UBASH3B: variants seen among roughly 807,000 people sequenced by gnomAD.
The protein encoded by UBASH3B is ubiquitin-associated and SH3 domain-containing protein B.
In UBASH3B, 37 loss-of-function variants were observed where a neutral mutation model predicts 83.4. The observed-to-expected ratio is 0.44, with a 90% CI of 0.34 to 0.58. UBASH3B has a LOEUF of 0.58. Among genes scored for constraint, UBASH3B ranks in the 20% least tolerant of loss-of-function variants. UBASH3B has a pLI of 0.01. For synonymous variants in UBASH3B, 304 were observed against 318.3 expected (o/e 0.96, Z 0.48); for missense variants, 657 against 827.2 (o/e 0.79, Z 2.52).
At chr11:122,702,270 T>G (rs1301328790) in intron 1 of UBASH3B, among the ~76,000 whole-genome samples, 1 of 152,204 alleles carries the variant, frequency 6.6e-6, no homozygotes, top group Non-Finnish European at 1.5e-5. Context: ...AGGAAACATT[T>G]CATCCAGAAT....
chr11:122,658,786 C>T (rs1005789763), intron 1 of UBASH3B, among the ~76,000 whole-genome samples: 5 of 152,172 alleles, frequency 3.3e-5, no homozygotes, highest in South Asian at 2.1e-4. Context: ...AGTGAGCAAT[C>T]GTGAAGTGTT....
intron 1 of UBASH3B, among the ~76,000 whole-genome samples, chr11:122,706,741 C>G (rs188309715): frequency 2.0e-5 from 3 of 152,088 alleles, no homozygotes; most frequent in African/African-American, 7.2e-5. Context: ...CATATATGTA[C>G]GCAATCACAT....
intron 1 of UBASH3B, among the ~76,000 whole-genome samples, chr11:122,684,844 C>T (rs1276900329): frequency 9.9e-5 from 15 of 152,258 alleles, no homozygotes; most frequent in Non-Finnish European, 2.1e-4. Context: ...GTGATCCACC[C>T]GCCTTGGCCT....
intron 1 of UBASH3B, among the ~76,000 whole-genome samples, chr11:122,766,068 G>A (rs1371705016): frequency 1.3e-5 from 2 of 152,188 alleles, no homozygotes; most frequent in Admixed American, 1.3e-4. Context: ...AGAAGCGAAA[G>A]GAGAGGGGCA....
intron 1 of UBASH3B, among the ~76,000 whole-genome samples, chr11:122,672,302 GA>G (rs1863606295): frequency 6.6e-6 from 1 of 151,810 alleles, no homozygotes; most frequent in African/African-American, 2.4e-5. Flanking sequence ...GCTGTCAACT[GA>G]AAAACGGATG....
At chr11:122,690,208 ATC>A (rs1565530328) in intron 1 of UBASH3B, among the ~76,000 whole-genome samples, 8 of 27,224 alleles carry the variant, frequency 2.9e-4, no homozygotes, top group South Asian at 1.4e-3. Context: ...ATATATATAT[ATC>A]CAATTATATA....
At chr11:122,687,550 G>C (rs1019415325) in intron 1 of UBASH3B, among the ~76,000 whole-genome samples, 2 of 152,150 alleles carry the variant, frequency 1.3e-5, no homozygotes, top group African/African-American at 2.4e-5. Flanking sequence ...GAGGGACCAC[G>C]AGAAAGATAT....
rs1861373533 is a variant in UBASH3B, at chr11:122,808,114, A to G, written c.1750A>G (p.Thr584Ala). The G allele has an allele frequency of 6.2e-7, 1 of 1,614,176 alleles. No individual in the cohort carries two copies. The highest frequency in any genetic ancestry group is 8.5e-7 in the Non-Finnish European group (1 of 1,180,012). ...VAHASSLEAC[T>A]CQLQGLSPQN... Reference sequence around the variant, plus strand: ...CCACGCATCTTCCCTTGAAGCGTGTACCTGCCAACTTCAGGGCCTGTCACC... The same window carrying G: ...CCACGCATCTTCCCTTGAAGCGTGTGCCTGCCAACTTCAGGGCCTGTCACC... Residue 584 changes from threonine to alanine, a missense_variant, in exon 13 of 14, where the codon ACC (threonine) becomes GCC (alanine). Physicochemically the swap from Thr to Ala is moderately conservative, Grantham distance 58. Around this residue, in one of 3 missense-constraint regions of UBASH3B, gnomAD observed 573 missense variants for 739.0 expected, o/e 0.78. Coordinates refer to ENST00000284273, the MANE Select transcript of UBASH3B (RefSeq NM_032873.5).
At position 122,745,144 on chromosome 11, in the gene UBASH3B, C is replaced by T. The variant is rs530923879; in HGVS notation, c.162-31075C>T. On this transcript the variant is annotated intron_variant, in intron 1 of 13. Transcript: ENST00000284273. ...CCTTCCATCCACACTGAAAGACTCACCTCTCAGCTTGTATCTTTTTTTTCT... is the reference window on the plus strand; with the variant it reads ...CCTTCCATCCACACTGAAAGACTCATCTCTCAGCTTGTATCTTTTTTTTCT... Among the ~76,000 whole-genome samples the T allele has an allele frequency of 1.1e-4, 16 of 152,298 alleles. No homozygotes were observed. The South Asian group carries it at 3.3e-3, about 32-fold the overall frequency.
intron 1 of UBASH3B, among the ~76,000 whole-genome samples, chr11:122,668,007 A>G (rs1429777230): frequency 6.6e-6 from 1 of 152,168 alleles, no homozygotes; most frequent in Non-Finnish European, 1.5e-5. Flanking sequence ...TCTTTTTGAG[A>G]TAGAATTTCA....
At chr11:122,743,565 CATCTG>C (rs749534511) in intron 1 of UBASH3B, among the ~76,000 whole-genome samples, 6 of 152,156 alleles carry the variant, frequency 3.9e-5, no homozygotes, top group Non-Finnish European at 7.3e-5. Context: ...TCAGCTTCCT[CATCTG>C]TAAAATGGGT....
At position 122,656,166 on chromosome 11, in the gene UBASH3B, G is replaced by A. The variant is rs1863359196; in HGVS notation, c.117G>A (p.Ser39=). ...QQRPGTIKHG[S]ALDVLLSMGF... is the part of the protein sequence containing the mutation. ...GCCCCGGCACCATCAAGCATGGATCGGCGCTGGACGTGCTCCTCTCCATGG... is the reference window on the plus strand; with the variant it reads ...GCCCCGGCACCATCAAGCATGGATCAGCGCTGGACGTGCTCCTCTCCATGG... The change falls in exon 1 of 14, where the codon TCG becomes TCA. Residue 39 remains serine, a synonymous_variant. Coordinates refer to ENST00000284273, the MANE Select transcript of UBASH3B (RefSeq NM_032873.5). The A allele has an allele frequency of 1.9e-6, 3 of 1,560,550 alleles. No homozygotes were observed. Among genetic ancestry groups the A allele is most frequent in the South Asian group, 2.4e-5 (2 of 84,338 alleles).
intron 1 of UBASH3B, among the ~76,000 whole-genome samples, chr11:122,768,016 G>A (rs1001941232): frequency 9.9e-5 from 15 of 152,248 alleles, no homozygotes; most frequent in Admixed American, 7.2e-4. Flanking sequence ...CATGACTGTC[G>A]TGTGGCCTGA....
chr11:122,768,508 G>GTGTGTATA (rs557159523), intron 1 of UBASH3B, among the ~76,000 whole-genome samples: 11,063 of 134,118 alleles, frequency 0.082, 579 homozygotes, highest in Middle Eastern at 0.15. Context: ...GTGTGTGTGT[G>GTGTGTATA]TATATATATA....
chr11:122,726,682 A>G (rs1860748923), intron 1 of UBASH3B, among the ~76,000 whole-genome samples: 1 of 152,172 alleles, frequency 6.6e-6, no homozygotes, highest in Non-Finnish European at 1.5e-5. Context: ...GGGATCATAG[A>G]TTCTTCCTGT....
In UBASH3B at chr11:122,812,233, CTTTCA is replaced by C. The variant is rs1387158131; in HGVS notation, c.*2353_*2357del. 2 of 149,036 alleles carry C rather than the reference CTTTCA, an allele frequency of 1.3e-5. No homozygotes were observed. The highest frequency in any genetic ancestry group is 4.9e-5 in the African/African-American group (2 of 40,814). The allele number at this position is 149,036 out of a possible 1,614,324, so 9.2% of individuals were successfully genotyped here. A position where few individuals can be genotyped will look rare whatever the true frequency, so the allele number is the denominator to read the frequency against. ...AAACAAGAAAGATTGTATTTCTCTG[CTTTCA>C]TTTCAATTTCATTATTTCAAATTGC... On this transcript the variant is annotated 3_prime_UTR_variant, in exon 14 of 14. Transcript: ENST00000284273.
At chr11:122,687,552 G>A (rs1164678785) in intron 1 of UBASH3B, among the ~76,000 whole-genome samples, 1 of 152,166 alleles carries the variant, frequency 6.6e-6, no homozygotes, top group Non-Finnish European at 1.5e-5. Flanking sequence ...GGGACCACGA[G>A]AAAGATATTA....
At chr11:122,789,916 C>G (rs1452381157) in intron 6 of UBASH3B, among the ~76,000 whole-genome samples, 1 of 152,218 alleles carries the variant, frequency 6.6e-6, no homozygotes, top group African/African-American at 2.4e-5. Flanking sequence ...CCACCCGTCC[C>G]TCATTACTAT....
rs539635100 is a variant in UBASH3B at position 122,698,776 on chromosome 11, C to T, written c.161+42566C>T. Among the ~76,000 whole-genome samples, 6 of 152,312 alleles carry T rather than the reference C, an allele frequency of 3.9e-5. No homozygotes were observed. In the East Asian group the frequency reaches 5.8e-4, roughly 15 times the overall value. On this transcript the variant is annotated intron_variant, in intron 1 of 13. Transcript: ENST00000284273. ...CTCTGGAAATCTATTTGCTTCAGTA[C>T]GGTCATTAATGTTCACTTTAATCTG...
Sources: gnomAD v4.1 joint callset for allele counts (sites outside exome capture counted in the v4.1 genomes callset) on GRCh38, gnomAD v4.1.1 for gene constraint, gnomAD v4.1.1 regional missense constraint, MANE v1.5 for transcripts, NCBI Gene and HGNC (gene_info 2026-07-23, HGNC 2026-07-21) for gene names.